Variants in MYT1L observed in about 807,000 individuals in gnomAD.
The protein encoded by MYT1L is myelin transcription factor 1 like, also known as myelin transcription factor 1-like protein.
In MYT1L, 12 loss-of-function variants were observed where a neutral mutation model predicts 126.7. The observed-to-expected ratio is 0.09, with a 90% CI of 0.06 to 0.15. The LOEUF (loss-of-function observed/expected upper bound fraction) is 0.15, where lower values mean the gene tolerates loss of function less well. MYT1L is among the 10% of genes least tolerant of loss of function. The pLI, the probability that MYT1L is intolerant of heterozygous loss-of-function variation, is 1.00. For synonymous variants in MYT1L, 541 were observed against 604.2 expected (o/e 0.90, Z 1.53); for missense variants, 979 against 1,585.2 (o/e 0.62, Z 6.49).
chr2:1,923,799 C>T lies in MYT1L; in HGVS notation c.506-536G>A, dbSNP rs150969792. ...GTTCCTGAGAGTCAGGCAGGGGTGC[C>T]GGCTGCATTGGGAGCTCAGATTCAT... On this transcript the variant is annotated intron_variant, in intron 9 of 24. Coordinates refer to ENST00000647738, the MANE Select transcript of MYT1L (RefSeq NM_001303052.2). 9.3e-4 allele frequency among the ~76,000 whole-genome samples: 141 copies of T among 152,198 alleles called. 1 individual carries two copies. The highest frequency in any genetic ancestry group is 3.0e-3 in the African/African-American group (123 of 41,510).
rs115118097 is a variant in MYT1L, at chr2:2,307,968, C to T, written c.-521+22999G>A. Among the ~76,000 whole-genome samples, 954 of 151,976 alleles carry T rather than the reference C, an allele frequency of 6.3e-3. 12 individuals are homozygous for T. Among genetic ancestry groups the T allele is most frequent in the African/African-American group, 0.022 (891 of 41,430 alleles). On this transcript the variant is annotated intron_variant, in intron 1 of 24. Coordinates refer to ENST00000647738, the MANE Select transcript of MYT1L (RefSeq NM_001303052.2). ...TCAGTACACTCCACCTATACTCCAC[C>T]TATGCTTCAGCACACTCTACCTACA... is the stretch of plus-strand genomic sequence containing the variant.
At chr2:2,176,343 A>G (rs1266764842) in intron 2 of MYT1L, among the ~76,000 whole-genome samples, 1 of 152,186 alleles carries the variant, frequency 6.6e-6, no homozygotes, top group East Asian at 1.9e-4. Context: ...CTTTAAGTCT[A>G]GGTCAGTTAC....
intron 3 of MYT1L, among the ~76,000 whole-genome samples, chr2:2,096,932 C>T (rs1290748576): frequency 6.6e-6 from 1 of 152,144 alleles, no homozygotes; most frequent in Non-Finnish European, 1.5e-5. Flanking sequence ...GATAAAGTGT[C>T]GTCTTCACAG....
At chr2:2,208,537 A>G (rs1166387484) in intron 2 of MYT1L, among the ~76,000 whole-genome samples, 4 of 152,220 alleles carry the variant, frequency 2.6e-5, no homozygotes, top group Non-Finnish European at 5.9e-5. Context: ...ATATGTATGT[A>G]GGCTTGTATT....
rs2034764251 is a variant in MYT1L, at chr2:1,801,054, C to T, written c.3276+642G>A. Among the ~76,000 whole-genome samples, 1 of 152,206 alleles carries T rather than the reference C, an allele frequency of 6.6e-6. No homozygotes were observed. Among genetic ancestry groups the T allele is most frequent in the African/African-American group, 2.4e-5 (1 of 41,450 alleles). On this transcript the variant is annotated intron_variant, in intron 23 of 24. Coordinates refer to ENST00000647738, the MANE Select transcript of MYT1L (RefSeq NM_001303052.2). This position sits in a 1 kb window ranked among gnomAD's most constrained non-coding sequence, Gnocchi z 4.2. ...GCCAGGCACAAGGCTCATGGTCAGA[C>T]AGGGTCCAGCCTGGCCTCTGTGGCT...
At chr2:1,818,731 T>A (rs1415467402) in intron 21 of MYT1L, among the ~76,000 whole-genome samples, 1 of 152,142 alleles carries the variant, frequency 6.6e-6, no homozygotes, top group Non-Finnish European at 1.5e-5. Flanking sequence ...CACGTGACAT[T>A]TCTGCCTCTG....
chr2:2,305,202 T>C (rs927496536), intron 1 of MYT1L, among the ~76,000 whole-genome samples: 6 of 152,136 alleles, frequency 3.9e-5, no homozygotes, highest in Admixed American at 3.3e-4. Context: ...TCACCACAAT[T>C]GAAGAAAAGC....
At chr2:2,214,498 T>G (rs1221205044) in intron 2 of MYT1L, among the ~76,000 whole-genome samples, 2 of 151,888 alleles carry the variant, frequency 1.3e-5, no homozygotes, top group Non-Finnish European at 2.9e-5. Flanking sequence ...GTGTGAAGGA[T>G]CAAAGATAAT....
intron 2 of MYT1L, among the ~76,000 whole-genome samples, chr2:2,202,518 C>T (rs2093127359): frequency 6.6e-6 from 1 of 152,078 alleles, no homozygotes. Flanking sequence ...ACTAGAAAAC[C>T]TAGAAGAAAT....
At chr2:2,095,958 G>C (rs1161835087) in intron 3 of MYT1L, among the ~76,000 whole-genome samples, 1 of 152,156 alleles carries the variant, frequency 6.6e-6, no homozygotes, top group Admixed American at 6.5e-5. Context: ...AGGAGCCCTG[G>C]TGAACGTGGA....
intron 4 of MYT1L, among the ~76,000 whole-genome samples, chr2:2,025,250 G>A (rs907793257): frequency 2.6e-5 from 4 of 152,122 alleles, no homozygotes; most frequent in Non-Finnish European, 4.4e-5. Context: ...TCACAGCAGC[G>A]TGCCCCGCCT....
chr2:1,866,859 GC>G (rs2045631267), intron 18 of MYT1L, among the ~76,000 whole-genome samples: 1 of 138,786 alleles, frequency 7.2e-6, no homozygotes, highest in Admixed American at 7.1e-5. Context: ...GAGAGGGAGG[GC>G]AGAGAGAGAT....
At chr2:2,156,519 A>G (rs1328595497) in intron 3 of MYT1L, among the ~76,000 whole-genome samples, 1 of 152,236 alleles carries the variant, frequency 6.6e-6, no homozygotes, top group Non-Finnish European at 1.5e-5. Context: ...TTCCTTTCTC[A>G]TAAGCAAATT....
chr2:1,919,693 T>G (rs890928645), intron 10 of MYT1L, among the ~76,000 whole-genome samples: 3 of 152,168 alleles, frequency 2.0e-5, no homozygotes, highest in Admixed American at 2.0e-4. Context: ...GTTGGTGAGA[T>G]AGTACCACAA....
intron 3 of MYT1L, among the ~76,000 whole-genome samples, chr2:2,082,869 T>C (rs1017803041): frequency 6.6e-6 from 1 of 152,162 alleles, no homozygotes; most frequent in Non-Finnish European, 1.5e-5. Context: ...AATCTCCTCA[T>C]CGCCCAAGAC....
intron 5 of MYT1L, among the ~76,000 whole-genome samples, chr2:1,993,580 T>G (rs962452613): frequency 1.3e-5 from 2 of 152,228 alleles, no homozygotes; most frequent in East Asian, 3.8e-4. Context: ...CTATAATTTA[T>G]CCAGCCAGCC....
chr2:1,873,148 C>T (rs1380548838), intron 18 of MYT1L, among the ~76,000 whole-genome samples: 1 of 152,146 alleles, frequency 6.6e-6, no homozygotes, highest in Admixed American at 6.5e-5. Context: ...TGTTTTGAGA[C>T]CCTCCCAGGT....
intron 1 of MYT1L, among the ~76,000 whole-genome samples, chr2:2,287,500 A>T (rs2095539736): frequency 6.6e-6 from 1 of 152,230 alleles, no homozygotes; most frequent in African/African-American, 2.4e-5. Context: ...AGCATGAGTC[A>T]GTCCCAGTCT....
At position 1,943,232 on chromosome 2, in the gene MYT1L, G is replaced by A; in HGVS notation, c.255C>T (p.Ser85=). 6.4e-7 allele frequency: 1 copy of A among 1,553,416 alleles called. No homozygotes were observed. The highest frequency in any genetic ancestry group is 8.7e-7 in the Non-Finnish European group (1 of 1,147,810). Residue 85 remains serine (S), a synonymous_variant, in exon 9 of 25, where the codon TCC becomes TCT. Transcript: ENST00000647738. The surrounding 1 kb of genome is among the most constrained non-coding windows in gnomAD (Gnocchi z 4.4). ...RKPFAVKADS[S]SVDECDDSDG... Reference sequence around the variant, plus strand: ...CACTGTCGTCACACTCATCCACTGAGGAGCTGTCTGCTTTCACGGCAAATG... The same window carrying A: ...CACTGTCGTCACACTCATCCACTGAAGAGCTGTCTGCTTTCACGGCAAATG...
Sources: gnomAD v4.1 joint callset for allele counts (sites outside exome capture counted in the v4.1 genomes callset) on GRCh38, gnomAD v4.1.1 for gene constraint, Gnocchi (gnomAD v3.1) non-coding constraint, MANE v1.5 for transcripts, NCBI Gene and HGNC (gene_info 2026-07-23, HGNC 2026-07-21) for gene names.